The following SLC17A1 variants were observed in gnomAD, a reference collection of about 807,000 sequenced individuals.
The protein encoded by SLC17A1 is sodium-dependent phosphate transport protein 1.
SLC17A1 carries 51 observed loss-of-function variants against 53.5 expected under a neutral mutation model. The ratio of observed to expected loss-of-function variants is 0.95; its 90% confidence interval spans 0.76 to 1.20. The LOEUF (loss-of-function observed/expected upper bound fraction) is 1.20, where lower values mean the gene tolerates loss of function less well. Ranked by LOEUF, SLC17A1 falls within the 50% of genes most tolerant of loss-of-function variation. The probability of loss-of-function intolerance (pLI) is 0.00; values close to 1 mark genes in which losing one functional copy is unlikely to be tolerated. For missense variants in SLC17A1, 538 were observed against 568.2 expected (o/e 0.95, Z 0.54); for synonymous variants, 179 against 198.8 (o/e 0.90, Z 0.84).
In SLC17A1 at chr6:25,811,523, A is replaced by G. The variant is rs1180687825; in HGVS notation, c.1053T>C (p.Phe351=). 1 of 1,613,966 alleles carries G rather than the reference A, an allele frequency of 6.2e-7. No homozygotes were observed. Among genetic ancestry groups the G allele is most frequent in the Non-Finnish European group, 8.5e-7 (1 of 1,179,906 alleles). ...AACTCAGGTAAGGCAGGCAGACACC[A>G]AAGATTGCAGGAAGGAGAAATCCTG... ...TAAGFLLPAI[F]GVCLPYLSST... The change falls in exon 10 of 13, where the codon TTT becomes TTC. Residue 351 remains phenylalanine (F), a synonymous_variant. Coordinates refer to ENST00000244527, the MANE Select transcript of SLC17A1 (RefSeq NM_005074.5).
At chr6:25,732,700 C>G in the SLC17A1 span, 4 of 1,346,450 alleles carry the variant, frequency 3.0e-6, no homozygotes, top group East Asian at 1.3e-4. Flanking sequence ...CCATCCGCAA[C>G]GACAAGGAGC....
intron 12 of SLC17A1, among the ~76,000 whole-genome samples, chr6:25,788,886 G>A (rs1402990590): frequency 6.6e-6 from 1 of 152,146 alleles, no homozygotes; most frequent in African/African-American, 2.4e-5. Flanking sequence ...TTAAAAATAT[G>A]GAAAAGTAGA....
chr6:25,726,522 A>G, the SLC17A1 span: 1 of 1,607,874 alleles, frequency 6.2e-7, no homozygotes, highest in Non-Finnish European at 8.5e-7. Flanking sequence ...TCCCTCGTCC[A>G]GACATCTCCT....
chr6:25,802,105 T>G (rs1478518836), intron 10 of SLC17A1, among the ~76,000 whole-genome samples: 1 of 152,196 alleles, frequency 6.6e-6, no homozygotes, highest in Admixed American at 6.5e-5. Flanking sequence ...TTTGCTTTCA[T>G]GAACCTCTTC....
rs13205498 is a variant in SLC17A1 at position 25,791,395 on chromosome 6, T to C, written c.*2+7388A>G. 1.0e-3 allele frequency among the ~76,000 whole-genome samples: 152 copies of C among 152,320 alleles called. 2 individuals carry two copies. Among genetic ancestry groups the C allele is most frequent in the Non-Finnish European group, 1.7e-3 (117 of 68,022 alleles). On this transcript the variant is annotated intron_variant, in intron 12 of 12. Transcript: ENST00000244527. The stretch of plus-strand genomic sequence containing the variant: ...ATTAAAATTTAGACCACTGAATATG[T>C]TGTAAAATAGGTCTAGTAATAGATA...
At chr6:25,726,754 C>A in the SLC17A1 span, 4 of 1,122,986 alleles carry the variant, frequency 3.6e-6, no homozygotes, top group East Asian at 9.5e-5. Context: ...CTATAAATAC[C>A]GCATCTTTCA....
chr6:25,785,796 T>C (rs1312730120), intron 12 of SLC17A1, among the ~76,000 whole-genome samples: 1 of 152,084 alleles, frequency 6.6e-6, no homozygotes, highest in Non-Finnish European at 1.5e-5. Context: ...TCACATTCAC[T>C]GAGATGGCTA....
At chr6:25,795,511 G>A (rs1488489537) in intron 12 of SLC17A1, among the ~76,000 whole-genome samples, 1 of 152,054 alleles carries the variant, frequency 6.6e-6, no homozygotes, top group African/African-American at 2.4e-5. Context: ...AAAAGATAAG[G>A]AGGATTTTTT....
chr6:25,731,501 C>T, the SLC17A1 span, among the ~76,000 whole-genome samples: 2 of 152,204 alleles, frequency 1.3e-5, no homozygotes, highest in African/African-American at 2.4e-5. Context: ...GCACTGTCCA[C>T]AGAAAGAATA....
the SLC17A1 span, chr6:25,773,574 C>A: frequency 2.4e-5 from 39 of 1,613,814 alleles, no homozygotes; most frequent in Non-Finnish European, 3.0e-5. Flanking sequence ...CCACTCTGGG[C>A]CATTTTAGTC....
chr6:25,739,229 G>A, the SLC17A1 span, among the ~76,000 whole-genome samples: 1 of 152,188 alleles, frequency 6.6e-6, no homozygotes. Flanking sequence ...TTTGTGGATA[G>A]CCTTCTTGTA....
chr6:25,786,783 A>G (rs1026746222), intron 12 of SLC17A1, among the ~76,000 whole-genome samples: 7 of 152,132 alleles, frequency 4.6e-5, no homozygotes, highest in Non-Finnish European at 1.0e-4. Context: ...AGGAGGGGTC[A>G]GAGGTGGGGT....
the SLC17A1 span, among the ~76,000 whole-genome samples, chr6:25,725,242 C>T: frequency 1.1e-4 from 16 of 152,170 alleles, no homozygotes; most frequent in African/African-American, 3.6e-4. Context: ...TATGTTCGGC[C>T]TTCTAGTCCC....
At chr6:25,773,481 C>A in the SLC17A1 span, 1 of 1,612,882 alleles carries the variant, frequency 6.2e-7, no homozygotes, top group South Asian at 1.1e-5. Flanking sequence ...TGCCTTCTGA[C>A]GGAGGGGACA....
At chr6:25,775,435 CT>C in the SLC17A1 span, among the ~76,000 whole-genome samples, 1 of 151,454 alleles carries the variant, frequency 6.6e-6, no homozygotes, top group East Asian at 1.9e-4. Flanking sequence ...TGTCTTTTTT[CT>C]TTTTCTTTCT....
the SLC17A1 span, chr6:25,731,895 A>ACGC: frequency 6.2e-7 from 1 of 1,602,870 alleles, no homozygotes; most frequent in Non-Finnish European, 8.5e-7. Context: ...CCTGGAGGTG[A>ACGC]TGGTCGAGCG....
At chr6:25,726,020 A>G in the SLC17A1 span, 2 of 940,270 alleles carry the variant, frequency 2.1e-6, no homozygotes, top group African/African-American at 3.2e-5. Flanking sequence ...TGGCTGGTTA[A>G]CAGCAGTAAC....
rs528887486 is a variant in SLC17A1, at chr6:25,787,534, A to T, written c.*3-4316T>A. ...TAACCAAGCTTGCAGCACATCCAGC[A>T]CTAATCATGAAGTCAGCTTATTCTC... is the stretch of plus-strand genomic sequence containing the variant. On this transcript the variant is annotated intron_variant, in intron 12 of 12. Coordinates refer to ENST00000244527, the MANE Select transcript of SLC17A1 (RefSeq NM_005074.5). Among the ~76,000 whole-genome samples the T allele has an allele frequency of 2.6e-5, 4 of 152,306 alleles. No individual in the cohort carries two copies. The South Asian group carries it at 8.3e-4, about 32-fold the overall frequency.
chr6:25,814,559 A>G (rs1455042211), intron 6 of SLC17A1, among the ~76,000 whole-genome samples: 10 of 152,214 alleles, frequency 6.6e-5, no homozygotes, highest in African/African-American at 2.4e-4. Flanking sequence ...AAATAAAAAT[A>G]CTATAATAGA....
Sources: gnomAD v4.1 joint callset for allele counts (sites outside exome capture counted in the v4.1 genomes callset) on GRCh38, gnomAD v4.1.1 for gene constraint, MANE v1.5 for transcripts, NCBI Gene and HGNC (gene_info 2026-07-23, HGNC 2026-07-21) for gene names.